The following BCL6 variants were observed in gnomAD, a reference collection of about 807,000 sequenced individuals.
BCL6 encodes B-cell lymphoma 6 protein.
BCL6 carries 7 observed loss-of-function variants against 59.5 expected under a neutral mutation model. That is an observed-to-expected ratio of 0.12 (90% CI 0.07 to 0.22). The LOEUF is 0.22. Ranked by LOEUF, BCL6 falls within the 10% of genes least tolerant of loss-of-function variation. BCL6 has a pLI of 1.00. For missense variants in BCL6, 685 were observed against 939.4 expected (o/e 0.73, Z 3.54); for synonymous variants, 339 against 349.7 (o/e 0.97, Z 0.34).
intron 1 of BCL6, among the ~76,000 whole-genome samples, chr3:187,739,482 T>G (rs1711520372): frequency 6.6e-6 from 1 of 152,186 alleles, no homozygotes; most frequent in African/African-American, 2.4e-5. Flanking sequence ...AAAGCGAATT[T>G]GATAACGCGA....
Position 187,729,078 on chromosome 3 carries a change from C to T in BCL6, c.1327G>A (p.Ala443Thr), listed in dbSNP as rs1282428338. The T allele has an allele frequency of 1.3e-6, 2 of 1,532,636 alleles. No individual in the cohort carries two copies. The highest frequency in any genetic ancestry group is 2.1e-5 in the Admixed American group (1 of 47,360). The allele number at this position is 1,532,636 out of a possible 1,614,324, so 94.9% of individuals were successfully genotyped here. Residue 443 changes from alanine to threonine, a missense_variant, in exon 5 of 10, where the codon GCC (alanine) becomes ACC (threonine). Ala to Thr is a moderately conservative substitution (Grantham distance 58). This residue lies in a region of BCL6 where 207 missense variants were observed against 213.7 expected (regional missense o/e 0.97). Transcript: ENST00000406870. The surrounding 1 kb of genome is among the most constrained non-coding windows in gnomAD (Gnocchi z 5.6). ...TTAACGATGTTATTGAGCCGGCTGG[C>T]TTGTGGGATGGTGGAGTCCTCCCCG... ...ASGEDSTIPQASRLNNIVNRS... is the reference protein window; with the variant it reads ...ASGEDSTIPQTSRLNNIVNRS...
In BCL6 at chr3:187,726,799, T is replaced by C. The variant is rs1718724258; in HGVS notation, c.1640A>G (p.Lys547Arg). The change falls in exon 7 of 10, where the codon AAG becomes AGG. Residue 547 changes from lysine to arginine, a missense_variant. Transcript: ENST00000406870. Reference sequence around the variant, plus strand: ...GAAGGAGGCCTGGCAGCGGTCACACTTGTAGGGTTTGTCACTGTGGGTCTG... The same window carrying C: ...GAAGGAGGCCTGGCAGCGGTCACACCTGTAGGGTTTGTCACTGTGGGTCTG... ...TLQTHSDKPY[K>R]CDRCQASFRY... The C allele has an allele frequency of 6.2e-7, 1 of 1,614,040 alleles. No homozygotes were observed. Among genetic ancestry groups the C allele is most frequent in the African/African-American group, 1.3e-5 (1 of 74,922 alleles).
Position 187,722,364 on chromosome 3 carries a change from A to T in BCL6, c.*94T>A, listed in dbSNP as rs1718463504. On this transcript the variant is annotated 3_prime_UTR_variant, in exon 10 of 10. Transcript: ENST00000406870. ...ATTTGCACTAGTGGATGAAAGAGGC[A>T]CTACATCATGGGATGAACATTGTAA... 9.5e-7 allele frequency: 1 copy of T among 1,048,926 alleles called. No homozygotes were observed. Among genetic ancestry groups the T allele is most frequent in the South Asian group, 2.1e-5 (1 of 48,472 alleles). 65.0% of individuals were successfully genotyped at this position (1,048,926 alleles called of 1,614,324 possible).
At position 187,728,381 on chromosome 3, in the gene BCL6, C is replaced by T; in HGVS notation, c.1519G>A (p.Glu507Lys). ...TCACCACAGCTAGAATCTGAGTACT[C>T]AGACTGGGTCTCTCCCATCTCCTCA... is the stretch of plus-strand genomic sequence containing the variant. ...FPEEMGETQSEYSDSSCENGA... is the reference protein window; with the variant it reads ...FPEEMGETQSKYSDSSCENGA... The change falls in exon 6 of 10, where the codon GAG becomes AAG. Residue 507 changes from glutamate (E) to lysine (K), a missense_variant. Physicochemically the swap from Glu to Lys is moderately conservative, Grantham distance 56. Around this residue, in one of 7 missense-constraint regions of BCL6, gnomAD observed 207 missense variants for 213.7 expected, o/e 0.97. Coordinates refer to ENST00000406870, the MANE Select transcript of BCL6 (RefSeq NM_001706.5). 1 of 1,600,798 alleles carries T rather than the reference C, an allele frequency of 6.2e-7. No individual in the cohort carries two copies. The highest frequency in any genetic ancestry group is 8.5e-7 in the Non-Finnish European group (1 of 1,173,324).
intron 9 of BCL6, 176 bp downstream of exon 9, chr3:187,724,765 T>G: frequency 4.5e-6 from 4 of 882,226 alleles, no homozygotes; most frequent in Non-Finnish European, 5.1e-6. Context: ...TGTCTGGCCA[T>G]TGGGCCCAGA....
At position 187,725,525 on chromosome 3, in the gene BCL6, C is replaced by G; in HGVS notation, c.1813G>C (p.Glu605Gln). 1 of 1,614,178 alleles carries G rather than the reference C, an allele frequency of 6.2e-7. No homozygotes were observed. Among genetic ancestry groups the G allele is most frequent in the Non-Finnish European group, 8.5e-7 (1 of 1,180,036 alleles). Residue 605 changes from glutamate (E) to glutamine (Q), a missense_variant, in exon 8 of 10, where the codon GAA becomes CAA. By Grantham distance (29) the Glu-to-Gln change is conservative. Coordinates refer to ENST00000406870, the MANE Select transcript of BCL6 (RefSeq NM_001706.5). The surrounding 1 kb of genome is among the most constrained non-coding windows in gnomAD (Gnocchi z 4.7). ...IHSGEKPYKC[E>Q]TCGARFVQVA... ...TGTACAAATCTGGCTCCGCAGGTTT[C>G]GCATTTGTAGGGCTTCTCTCCAGAG... is the stretch of plus-strand genomic sequence containing the variant.
intron 1 of BCL6, among the ~76,000 whole-genome samples, chr3:187,745,074 A>G (rs766364952): frequency 2.0e-5 from 3 of 152,054 alleles, no homozygotes; most frequent in South Asian, 2.1e-4. Flanking sequence ...AACACAAGGG[A>G]GGGTGGCAAA....
At chr3:187,738,170 A>G (rs11924264) in intron 1 of BCL6, among the ~76,000 whole-genome samples, 73,043 of 151,998 alleles carry the variant, frequency 0.48, 19,254 homozygotes, top group African/African-American at 0.72. Context: ...GAGTTCGAAT[A>G]CAATCCGAGG....
rs1229389085 is a variant in BCL6, at chr3:187,725,102, A to G, written c.1840-24T>C. 2.5e-6 allele frequency: 4 copies of G among 1,613,232 alleles called. No homozygotes were observed. The highest frequency in any genetic ancestry group is 3.4e-6 in the Non-Finnish European group (4 of 1,179,950). On this transcript the variant is annotated intron_variant, in intron 8 of 9. Coordinates refer to ENST00000406870, the MANE Select transcript of BCL6 (RefSeq NM_001706.5). This position sits in a 1 kb window ranked among gnomAD's most constrained non-coding sequence, Gnocchi z 4.7. ...ACCTGAACGAAGAAGAAGGCATGAG[A>G]GGTCTTCTGGGGTGGGCTGCAGGCC...
chr3:187,726,582 G>A, intron 7 of BCL6, 149 bp downstream of exon 7: 2 of 1,101,270 alleles, frequency 1.8e-6, no homozygotes, highest in Non-Finnish European at 2.6e-6. Flanking sequence ...GACAAGACAG[G>A]GTTAGACCCC....
intron 9 of BCL6, among the ~76,000 whole-genome samples, chr3:187,724,312 T>C (rs1718562716): frequency 6.6e-6 from 1 of 152,222 alleles, no homozygotes; most frequent in South Asian, 2.1e-4. Flanking sequence ...GTAAAAACCA[T>C]TCCTAGTTCA....
rs745750475 is a variant in BCL6, at chr3:187,725,669, A to G, written c.1709-40T>C. 17 of 1,612,786 alleles carry G rather than the reference A, an allele frequency of 1.1e-5. No individual in the cohort carries two copies. In the African/African-American group the frequency reaches 1.7e-4, roughly 16 times the overall value. ...AAGGGAAAAAGAAAAGCCATATTCA[A>G]TAAGGAAGGTCTCTGCAGTCCGTGG... On this transcript the variant is annotated intron_variant, in intron 7 of 9. Transcript: ENST00000406870. The surrounding 1 kb of genome is among the most constrained non-coding windows in gnomAD (Gnocchi z 4.7).
intron 1 of BCL6, chr3:187,738,043 C>G (rs1719373633): frequency 6.6e-6 from 1 of 152,114 alleles, no homozygotes; most frequent in South Asian, 2.1e-4. Context: ...CCCTAAATCC[C>G]TCGTCCGCGC....
intron 1 of BCL6, among the ~76,000 whole-genome samples, chr3:187,743,386 T>C (rs1411130931): frequency 6.6e-6 from 1 of 151,772 alleles, no homozygotes; most frequent in African/African-American, 2.4e-5. Flanking sequence ...TCTGAGGTGG[T>C]CAGGGGCCCT....
rs369204237 is a variant in BCL6 at position 187,729,660 on chromosome 3, C to A, written c.745G>T (p.Val249Leu). The A allele has an allele frequency of 6.2e-7, 1 of 1,614,156 alleles. No homozygotes were observed. The highest frequency in any genetic ancestry group is 8.5e-7 in the Non-Finnish European group (1 of 1,180,014). The change falls in exon 5 of 10, where the codon GTG (valine) becomes TTG (leucine). Residue 249 changes from valine to leucine, a missense_variant. Physicochemically the swap from Val to Leu is conservative, Grantham distance 32. Coordinates refer to ENST00000406870, the MANE Select transcript of BCL6 (RefSeq NM_001706.5). The surrounding 1 kb of genome is among the most constrained non-coding windows in gnomAD (Gnocchi z 5.6). ...TTGCTGTGGCACACATTGGGGGACACCTCCAAAGTCGGCCGGCTGTACTCA... is the reference window on the plus strand; with the variant it reads ...TTGCTGTGGCACACATTGGGGGACAACTCCAAAGTCGGCCGGCTGTACTCA... ...PGEYSRPTLE[V>L]SPNVCHSNIY...
chr3:187,740,445 T>G (rs562494050), intron 1 of BCL6, among the ~76,000 whole-genome samples: 2 of 152,140 alleles, frequency 1.3e-5, no homozygotes, highest in African/African-American at 4.8e-5. Context: ...CATATTTTCT[T>G]TAAAAAAAAT....
In BCL6 at chr3:187,722,369, A is replaced by C; in HGVS notation, c.*89T>G. On this transcript the variant is annotated 3_prime_UTR_variant, in exon 10 of 10. Coordinates refer to ENST00000406870, the MANE Select transcript of BCL6 (RefSeq NM_001706.5). ...CACTAGTGGATGAAAGAGGCACTAC[A>C]TCATGGGATGAACATTGTAAAGTGT... is the stretch of plus-strand genomic sequence containing the variant. The C allele has an allele frequency of 1.5e-6, 2 of 1,360,224 alleles. No individual in the cohort carries two copies. The highest frequency in any genetic ancestry group is 1.9e-6 in the Non-Finnish European group (2 of 1,032,630). 84.3% of individuals were successfully genotyped at this position (1,360,224 alleles called of 1,614,324 possible).
At chr3:187,722,680 G>A in intron 9 of BCL6, 79 bp from the exon 10 acceptor site, 1 of 1,549,098 alleles carries the variant, frequency 6.5e-7, no homozygotes, top group African/African-American at 1.4e-5. Flanking sequence ...CAGAGAGGAA[G>A]ATTCTCCCTA....
chr3:187,744,962 C>T (rs1576885987), intron 1 of BCL6, among the ~76,000 whole-genome samples: 1 of 152,240 alleles, frequency 6.6e-6, no homozygotes, highest in Middle Eastern at 3.4e-3. Flanking sequence ...AGCCCCCAGA[C>T]TAGCCCGAAT....
Sources: gnomAD v4.1 joint callset for allele counts (sites outside exome capture counted in the v4.1 genomes callset) on GRCh38, gnomAD v4.1.1 for gene constraint, gnomAD v4.1.1 regional missense constraint, Gnocchi (gnomAD v3.1) non-coding constraint, MANE v1.5 for transcripts, NCBI Gene and HGNC (gene_info 2026-07-23, HGNC 2026-07-21) for gene names.